The following KSR1 variants were observed in gnomAD, a reference collection of about 807,000 sequenced individuals.
KSR1 encodes the protein kinase suppressor of ras.
KSR1 carries 35 observed loss-of-function variants against 92.9 expected under a neutral mutation model. That is an observed-to-expected ratio of 0.38 (90% confidence interval 0.29 to 0.50). KSR1 has a LOEUF of 0.50. Among genes scored for constraint, KSR1 ranks in the 20% least tolerant of loss-of-function variants. KSR1 has a pLI of 0.94. For synonymous variants in KSR1, 467 were observed against 472.6 expected, an observed-to-expected ratio of 0.99 and a Z score of 0.15; for missense variants, 972 against 1,158.5, an observed-to-expected ratio of 0.84 and a Z score of 2.34.
chr17:27,557,429 G>A (rs1295919097), intron 2 of KSR1, among the ~76,000 whole-genome samples: 1 of 152,160 alleles, frequency 6.6e-6, no homozygotes. Context: ...TTGGCTGCTG[G>A]TGCCCACTGT....
intron 11 of KSR1, among the ~76,000 whole-genome samples, chr17:27,603,238 C>T (rs937785128): frequency 2.0e-5 from 3 of 152,212 alleles, no homozygotes; most frequent in African/African-American, 4.8e-5. Flanking sequence ...TGATATGTGG[C>T]GTTTCTTCCT....
intron 1 of KSR1, among the ~76,000 whole-genome samples, chr17:27,518,854 A>G (rs546954953): frequency 2.7e-4 from 41 of 152,324 alleles, no homozygotes; most frequent in African/African-American, 9.6e-4. Context: ...AAGACAGGGA[A>G]AGAGCCCTCC....
intron 20 of KSR1, chr17:27,622,087 T>C (rs1201655337): frequency 2.8e-6 from 2 of 721,938 alleles, no homozygotes; most frequent in Non-Finnish European, 4.7e-6. Flanking sequence ...GCTACTTCTT[T>C]TGCTTTGTTT....
At chr17:27,545,064 A>G (rs1170118483) in intron 1 of KSR1, among the ~76,000 whole-genome samples, 1 of 152,200 alleles carries the variant, frequency 6.6e-6, no homozygotes, top group African/African-American at 2.4e-5. Flanking sequence ...GTCGTGCTGC[A>G]CTGCATGTCT....
At chr17:27,532,302 G>A (rs779067274) in intron 1 of KSR1, among the ~76,000 whole-genome samples, 1 of 152,230 alleles carries the variant, frequency 6.6e-6, no homozygotes, top group African/African-American at 2.4e-5. Flanking sequence ...CTCAGTGCGG[G>A]TGAGCTATCC....
At chr17:27,464,249 G>A (rs1335162134) in intron 1 of KSR1, among the ~76,000 whole-genome samples, 6 of 152,144 alleles carry the variant, frequency 3.9e-5, no homozygotes, top group Non-Finnish European at 5.9e-5. Context: ...TTCTTGGAGC[G>A]CCATCTGGGG....
intron 1 of KSR1, among the ~76,000 whole-genome samples, chr17:27,546,300 T>A (rs1597994608): frequency 6.6e-6 from 1 of 152,330 alleles, no homozygotes; most frequent in Admixed American, 6.5e-5. Context: ...TAACCTAGTC[T>A]TTTGGAGGTC....
At chr17:27,517,882 G>A (rs1363294442) in intron 1 of KSR1, among the ~76,000 whole-genome samples, 1 of 152,196 alleles carries the variant, frequency 6.6e-6, no homozygotes, top group East Asian at 1.9e-4. Context: ...AAGATTTGGG[G>A]ACTTGGGATG....
chr17:27,462,995 A>G (rs1381829769), intron 1 of KSR1, among the ~76,000 whole-genome samples: 5 of 152,242 alleles, frequency 3.3e-5, no homozygotes, highest in African/African-American at 1.2e-4. Flanking sequence ...TGGGCCATTC[A>G]GGCTGTTTCC....
chr17:27,595,727 G>T (rs1433250761), intron 9 of KSR1, among the ~76,000 whole-genome samples: 1 of 147,750 alleles, frequency 6.8e-6, no homozygotes, highest in East Asian at 2.0e-4. Context: ...TCCATTTCTA[G>T]TGCAGCAGCC....
At chr17:27,511,363 C>CT (rs1359549808) in intron 1 of KSR1, among the ~76,000 whole-genome samples, 1 of 152,118 alleles carries the variant, frequency 6.6e-6, no homozygotes, top group Non-Finnish European at 1.5e-5. Context: ...AGGTAGAAGG[C>CT]TGGGAGAGTG....
intron 1 of KSR1, among the ~76,000 whole-genome samples, chr17:27,458,003 A>T (rs944697528): frequency 6.8e-6 from 1 of 147,344 alleles, no homozygotes; most frequent in Non-Finnish European, 1.5e-5. Context: ...TCCTCCAGGC[A>T]TGCCACAAAG....
chr17:27,486,286 C>T (rs933820724), intron 1 of KSR1, among the ~76,000 whole-genome samples: 7 of 152,176 alleles, frequency 4.6e-5, no homozygotes, highest in Non-Finnish European at 8.8e-5. Context: ...GGTTTGGCTC[C>T]GGGTACCCAC....
At chr17:27,594,608 G>A (rs1423446436) in intron 9 of KSR1, among the ~76,000 whole-genome samples, 1 of 152,126 alleles carries the variant, frequency 6.6e-6, no homozygotes, top group Non-Finnish European at 1.5e-5. Flanking sequence ...GAGAGCAGTG[G>A]CCCTCCAGGA....
At chr17:27,518,760 A>G (rs999321914) in intron 1 of KSR1, among the ~76,000 whole-genome samples, 5 of 152,324 alleles carry the variant, frequency 3.3e-5, no homozygotes, top group Middle Eastern at 6.8e-3. Flanking sequence ...GACACTCCCT[A>G]GACCCTCCTC....
At chr17:27,503,809 G>A (rs559452433) in intron 1 of KSR1, among the ~76,000 whole-genome samples, 2 of 152,236 alleles carry the variant, frequency 1.3e-5, no homozygotes, top group African/African-American at 4.8e-5. Context: ...TGGTGGAGGC[G>A]CCGTCAGCCT....
chr17:27,623,788 C>T lies in KSR1; in HGVS notation c.*396C>T. The T allele has an allele frequency of 1.8e-6, 1 of 542,284 alleles. No individual in the cohort carries two copies. Among genetic ancestry groups the T allele is most frequent in the Non-Finnish European group, 3.2e-6 (1 of 313,856 alleles). 33.6% of individuals were successfully genotyped at this position (542,284 alleles called of 1,614,324 possible). On this transcript the variant is annotated 3_prime_UTR_variant, in exon 21 of 21. Coordinates refer to ENST00000644974, the MANE Select transcript of KSR1 (RefSeq NM_001394583.1). ...GACCCATGCTGGGCCAGAAGGAAGA[C>T]AAACATGGTAATTGCAGCTGTTCTT... is the stretch of plus-strand genomic sequence containing the variant.
At chr17:27,476,492 C>T (rs1027657744) in intron 1 of KSR1, among the ~76,000 whole-genome samples, 3 of 152,164 alleles carry the variant, frequency 2.0e-5, no homozygotes, top group African/African-American at 4.8e-5. Flanking sequence ...AGCGCCCCTG[C>T]CTGTTTGACT....
chr17:27,601,965 C>A lies in KSR1; in HGVS notation c.1510+564C>A. 4 of 1,591,868 alleles carry A rather than the reference C, an allele frequency of 2.5e-6. No individual in the cohort carries two copies. In the South Asian group the frequency reaches 3.4e-5, roughly 14 times the overall value. On this transcript the variant is annotated intron_variant, in intron 11 of 20. Transcript: ENST00000644974. Reference sequence around the variant, plus strand: ...TTAAAGGAAAACGCTTTCAGTAAGTCAATACATTGAGTCCCTTCTGCAAAA... The same window carrying A: ...TTAAAGGAAAACGCTTTCAGTAAGTAAATACATTGAGTCCCTTCTGCAAAA...
Sources: gnomAD v4.1 joint callset for allele counts (sites outside exome capture counted in the v4.1 genomes callset) on GRCh38, gnomAD v4.1.1 for gene constraint, MANE v1.5 for transcripts, NCBI Gene and HGNC (gene_info 2026-07-23, HGNC 2026-07-21) for gene names.